The following TMEM51 variants were observed in gnomAD, a reference collection of about 807,000 sequenced individuals.
TMEM51 encodes the protein transmembrane protein 51.
Under a neutral mutation model 13.6 loss-of-function variants are expected in TMEM51, and 8 were observed. The ratio of observed to expected loss-of-function variants is 0.59; its 90% CI spans 0.35 to 1.07. TMEM51 has a LOEUF of 1.07. Ranked by LOEUF, TMEM51 falls within the 50% of genes least tolerant of loss-of-function variation. The pLI, the probability that TMEM51 is intolerant of heterozygous loss-of-function variation, is 0.02. For missense variants in TMEM51, 279 were observed against 330.7 expected, an observed-to-expected ratio of 0.84 and a Z score of 1.21; for synonymous variants, 147 against 144.4, an observed-to-expected ratio of 1.02 and a Z score of -0.13.
At chr1:15,195,885 A>G (rs1644038022) in intron 1 of TMEM51, among the ~76,000 whole-genome samples, 1 of 152,014 alleles carries the variant, frequency 6.6e-6, no homozygotes, top group African/African-American at 2.4e-5. Flanking sequence ...AAGAAGCCCA[A>G]GCAGTCCTGG....
chr1:15,202,614 T>G (rs1379799885), intron 1 of TMEM51, among the ~76,000 whole-genome samples: 1 of 152,128 alleles, frequency 6.6e-6, no homozygotes, highest in East Asian at 1.9e-4. Context: ...GCTTCCATGA[T>G]TCCATCTCCT....
At chr1:15,168,525 T>C in intron 1 of TMEM51, 1 of 1,304,872 alleles carries the variant, frequency 7.7e-7, no homozygotes, top group Non-Finnish European at 1.0e-6. Context: ...GATTGGAAGC[T>C]GGTAGAACCA....
chr1:15,168,674 G>A (rs1356706148), intron 1 of TMEM51: 1 of 1,304,360 alleles, frequency 7.7e-7, no homozygotes, highest in Non-Finnish European at 1.0e-6. Flanking sequence ...GAAGTCTGTT[G>A]GTAGCTTAGA....
chr1:15,173,615 A>G (rs1306005075), intron 1 of TMEM51, among the ~76,000 whole-genome samples: 2 of 151,864 alleles, frequency 1.3e-5, no homozygotes, highest in African/African-American at 4.8e-5. Flanking sequence ...TATTCCAGGC[A>G]TTGTTTTACA....
chr1:15,170,327 G>A (rs1490659356), intron 1 of TMEM51, among the ~76,000 whole-genome samples: 2 of 149,482 alleles, frequency 1.3e-5, no homozygotes, highest in Non-Finnish European at 3.0e-5. Context: ...GTAAAGCTAG[G>A]TGCCTGGGAT....
chr1:15,199,697 A>G (rs1052569162), intron 1 of TMEM51, among the ~76,000 whole-genome samples: 1 of 152,116 alleles, frequency 6.6e-6, no homozygotes, highest in Non-Finnish European at 1.5e-5. Flanking sequence ...CAGCTCTGAA[A>G]TGATATACTT....
At chr1:15,178,174 C>CCTGTGTGGCCAGGCTGGAGTA (rs1643507425) in intron 1 of TMEM51, among the ~76,000 whole-genome samples, 1 of 152,052 alleles carries the variant, frequency 6.6e-6, no homozygotes, top group Non-Finnish European at 1.5e-5. Context: ...AGGCTGGAGT[C>CCTGTGTGGCCAGGCTGGAGTA]TTGCTAGGTG....
At chr1:15,166,730 G>A (rs1190851787) in intron 1 of TMEM51, among the ~76,000 whole-genome samples, 1 of 151,952 alleles carries the variant, frequency 6.6e-6, no homozygotes, top group Non-Finnish European at 1.5e-5. Flanking sequence ...AAAAAAGAAA[G>A]AAAAGAAAAT....
chr1:15,178,274 C>G lies in TMEM51; in HGVS notation c.-267+24320C>G, dbSNP rs570993736. On this transcript the variant is annotated intron_variant, in intron 1 of 3. Coordinates refer to ENST00000376008, the MANE Select transcript of TMEM51 (RefSeq NM_001136218.2). ...CGGTCCCTTCGGTTGCCCATGGTGG[C>G]TCTTCCAAGCCTTAACTCCCTTCCT... is the stretch of plus-strand genomic sequence containing the variant. Among the ~76,000 whole-genome samples the G allele has an allele frequency of 2.0e-5, 3 of 152,250 alleles. No homozygotes were observed. The South Asian group carries it at 6.2e-4, about 32-fold the overall frequency.
intron 1 of TMEM51, among the ~76,000 whole-genome samples, chr1:15,178,002 G>T (rs1195125066): frequency 1.3e-5 from 2 of 152,186 alleles, no homozygotes; most frequent in South Asian, 2.1e-4. Context: ...ACACACTGAC[G>T]TTCACCCAGC....
At chr1:15,158,437 A>G (rs1019590505) in intron 1 of TMEM51, among the ~76,000 whole-genome samples, 12 of 151,978 alleles carry the variant, frequency 7.9e-5, no homozygotes, top group African/African-American at 2.7e-4. Flanking sequence ...TCTGACTTTT[A>G]TGTGTTTATT....
At chr1:15,173,676 T>TA (rs55954313) in intron 1 of TMEM51, among the ~76,000 whole-genome samples, 1,907 of 145,244 alleles carry the variant, frequency 0.013, 36 homozygotes, top group African/African-American at 0.042. Context: ...AAACTCCATC[T>TA]AAAAAAAAAA....
chr1:15,181,834 T>A (rs1475440606), intron 1 of TMEM51, among the ~76,000 whole-genome samples: 1 of 152,196 alleles, frequency 6.6e-6, no homozygotes, highest in Non-Finnish European at 1.5e-5. Flanking sequence ...GCTGCCTGCA[T>A]GAAACTCCAC....
chr1:15,196,137 A>G, intron 1 of TMEM51, among the ~76,000 whole-genome samples: 1 of 151,836 alleles, frequency 6.6e-6, no homozygotes, highest in Non-Finnish European at 1.5e-5. Flanking sequence ...TCCATCCCCC[A>G]CCCAGAGACA....
chr1:15,213,808 T>C (rs1444336912), intron 2 of TMEM51, among the ~76,000 whole-genome samples: 1 of 152,168 alleles, frequency 6.6e-6, no homozygotes, highest in Non-Finnish European at 1.5e-5. Context: ...GGTGACTTCA[T>C]GTGGCCTGCA....
Position 15,189,213 on chromosome 1 carries a change from C to CTTTTTTTTTTTTTTTTTTTT in TMEM51, c.-266-21274_-266-21255dup, listed in dbSNP as rs59346950. 9.0e-4 allele frequency among the ~76,000 whole-genome samples: 84 copies of CTTTTTTTTTTTTTTTTTTTT among 92,848 alleles called. 2 individuals are homozygous for CTTTTTTTTTTTTTTTTTTTT. Among genetic ancestry groups the CTTTTTTTTTTTTTTTTTTTT allele is most frequent in the African/African-American group, 2.9e-3 (67 of 23,450 alleles). 60.9% of individuals were successfully genotyped at this position (92,848 alleles called of 152,430 possible). A position where few individuals can be genotyped will look rare whatever the true frequency, so the allele number is the denominator to read the frequency against. On this transcript the variant is annotated intron_variant, in intron 1 of 3. Coordinates refer to ENST00000376008, the MANE Select transcript of TMEM51 (RefSeq NM_001136218.2). ...CTTCACCACACCCAGCTAATTTTTC[C>CTTTTTTTTTTTTTTTTTTTT]TTTTTTTTTTTTTTTTTTTTTTAGT...
In TMEM51 at chr1:15,212,083, G is replaced by C. The variant is rs145991824; in HGVS notation, c.-194+1521G>C. On this transcript the variant is annotated intron_variant, in intron 2 of 3. Transcript: ENST00000376008. ...TTTATTACCCTGATCTGGATTATTG[G>C]CTATTGAAGTAATTTCTAGCTTCTC... is the stretch of plus-strand genomic sequence containing the variant. 3.3e-5 allele frequency among the ~76,000 whole-genome samples: 5 copies of C among 152,182 alleles called. No homozygotes were observed. In the East Asian group the frequency reaches 9.7e-4, roughly 29 times the overall value.
At chr1:15,189,783 G>A (rs10927708) in intron 1 of TMEM51, among the ~76,000 whole-genome samples, 91,624 of 152,146 alleles carry the variant, frequency 0.6, 28,297 homozygotes, top group East Asian at 0.93. Context: ...ACCGGGGCAG[G>A]GCTCTAGGCC....
At chr1:15,201,152 A>G (rs959815840) in intron 1 of TMEM51, among the ~76,000 whole-genome samples, 2 of 152,262 alleles carry the variant, frequency 1.3e-5, no homozygotes, top group African/African-American at 4.8e-5. Flanking sequence ...GACTTTGAGC[A>G]AGTTTCTTAA....
Sources: gnomAD v4.1 joint callset for allele counts (sites outside exome capture counted in the v4.1 genomes callset) on GRCh38, gnomAD v4.1.1 for gene constraint, MANE v1.5 for transcripts, NCBI Gene and HGNC (gene_info 2026-07-23, HGNC 2026-07-21) for gene names.